The following SCHIP1 variants were observed in gnomAD, a reference collection of about 807,000 sequenced individuals.
The protein encoded by SCHIP1 is schwannomin interacting protein 1, also known as schwannomin-interacting protein 1.
In SCHIP1, 8 loss-of-function variants were observed where a neutral mutation model predicts 29.7. The observed-to-expected ratio is 0.27, with a 90% CI of 0.16 to 0.49. The LOEUF is 0.49. Among genes scored for constraint, SCHIP1 ranks in the 20% least tolerant of loss-of-function variants. The pLI, the probability that SCHIP1 is intolerant of heterozygous loss-of-function variation, is 0.99. For synonymous variants in SCHIP1, 76 were observed against 94.9 expected (o/e 0.80, Z 1.16); for missense variants, 193 against 294.6 (o/e 0.66, Z 2.52).
At chr3:159,641,635 G>A in the SCHIP1 span, among the ~76,000 whole-genome samples, 1 of 152,106 alleles carries the variant, frequency 6.6e-6, no homozygotes, top group African/African-American at 2.4e-5. Context: ...TACAAGCATA[G>A]ATTAAAGAAC....
the SCHIP1 span, among the ~76,000 whole-genome samples, chr3:159,326,637 A>ATT: frequency 6.6e-6 from 1 of 152,040 alleles, no homozygotes; most frequent in Non-Finnish European, 1.5e-5. Flanking sequence ...ATATTTTACT[A>ATT]TTTTCCTATG....
At chr3:159,457,500 A>T in the SCHIP1 span, among the ~76,000 whole-genome samples, 1 of 151,906 alleles carries the variant, frequency 6.6e-6, no homozygotes, top group Non-Finnish European at 1.5e-5. Context: ...GTTGGATTGG[A>T]GGAGCAAGAG....
the SCHIP1 span, among the ~76,000 whole-genome samples, chr3:159,481,376 T>C: frequency 6.6e-6 from 1 of 152,132 alleles, no homozygotes; most frequent in Non-Finnish European, 1.5e-5. Context: ...ATCACTAAGA[T>C]AGAGTGAATT....
At chr3:159,676,272 C>A in the SCHIP1 span, among the ~76,000 whole-genome samples, 8 of 152,160 alleles carry the variant, frequency 5.3e-5, no homozygotes, top group African/African-American at 1.9e-4. Flanking sequence ...CCTTTATCTA[C>A]ATCAAAGTTC....
chr3:159,625,674 T>G, the SCHIP1 span, among the ~76,000 whole-genome samples: 3 of 152,220 alleles, frequency 2.0e-5, no homozygotes, highest in African/African-American at 7.2e-5. Context: ...CTCTTTTTTG[T>G]TTCCAGAAAG....
the SCHIP1 span, among the ~76,000 whole-genome samples, chr3:159,822,440 G>A: frequency 6.6e-6 from 1 of 151,932 alleles, no homozygotes; most frequent in Admixed American, 6.6e-5. Context: ...ATGCAAGATT[G>A]TTGGAGAAGG....
chr3:159,501,927 T>C, the SCHIP1 span, among the ~76,000 whole-genome samples: 1 of 152,242 alleles, frequency 6.6e-6, no homozygotes, highest in Non-Finnish European at 1.5e-5. Context: ...TTCATAGTCA[T>C]ACAGCAACTT....
chr3:159,550,748 G>A, the SCHIP1 span, among the ~76,000 whole-genome samples: 1 of 151,944 alleles, frequency 6.6e-6, no homozygotes, highest in African/African-American at 2.4e-5. Flanking sequence ...TGTATTTAGG[G>A]TGAACTATAA....
chr3:159,656,087 AT>A, the SCHIP1 span, among the ~76,000 whole-genome samples: 2 of 152,156 alleles, frequency 1.3e-5, no homozygotes, highest in Non-Finnish European at 2.9e-5. Flanking sequence ...CAGATGTTTC[AT>A]TGTGTGGCAT....
At chr3:159,397,553 G>A in the SCHIP1 span, among the ~76,000 whole-genome samples, 4 of 152,120 alleles carry the variant, frequency 2.6e-5, no homozygotes, top group Non-Finnish European at 5.9e-5. Flanking sequence ...AGGACCCTCA[G>A]CTGCAGGTCT....
At chr3:159,615,159 A>G in the SCHIP1 span, among the ~76,000 whole-genome samples, 1 of 152,202 alleles carries the variant, frequency 6.6e-6, no homozygotes, top group Admixed American at 6.5e-5. Context: ...GAAGGTACAG[A>G]GGGACAAATA....
the SCHIP1 span, among the ~76,000 whole-genome samples, chr3:159,728,340 A>G: frequency 2.6e-5 from 4 of 152,306 alleles, no homozygotes; most frequent in Non-Finnish European, 4.4e-5. Flanking sequence ...TCCAAAAGGC[A>G]GAAATTCTCT....
the SCHIP1 span, among the ~76,000 whole-genome samples, chr3:159,372,804 CTT>C: frequency 0.024 from 3,663 of 152,022 alleles, 142 homozygotes; most frequent in African/African-American, 0.083. Context: ...ATAAATAAAA[CTT>C]TCTTCAAACA....
the SCHIP1 span, among the ~76,000 whole-genome samples, chr3:159,690,207 C>G: frequency 1.3e-5 from 2 of 152,232 alleles, no homozygotes; most frequent in Admixed American, 1.3e-4. Flanking sequence ...TAGAATTCGG[C>G]TGTGAATCTG....
the SCHIP1 span, among the ~76,000 whole-genome samples, chr3:159,671,514 G>A: frequency 2.0e-4 from 31 of 152,094 alleles, no homozygotes; most frequent in Non-Finnish European, 3.5e-4. Context: ...ACCCAAGAGT[G>A]CACTCAATAA....
the SCHIP1 span, among the ~76,000 whole-genome samples, chr3:159,715,091 T>C: frequency 6.6e-6 from 1 of 152,224 alleles, no homozygotes; most frequent in Non-Finnish European, 1.5e-5. Context: ...TCTGCAATAG[T>C]TGTGGCTCTG....
At chr3:159,361,912 G>A in the SCHIP1 span, among the ~76,000 whole-genome samples, 5 of 152,190 alleles carry the variant, frequency 3.3e-5, no homozygotes, top group Non-Finnish European at 5.9e-5. Flanking sequence ...TTTGAGGGAA[G>A]AAGATCAGGA....
the SCHIP1 span, among the ~76,000 whole-genome samples, chr3:159,545,040 G>C: frequency 6.6e-6 from 1 of 152,102 alleles, no homozygotes; most frequent in Non-Finnish European, 1.5e-5. Flanking sequence ...ATGATCAAGA[G>C]CCATGTTTCC....
At chr3:159,838,377 C>T (rs1357020091), upstream of SCHIP1, among the ~76,000 whole-genome samples, 1 of 152,152 alleles carries the variant, frequency 6.6e-6, no homozygotes, top group Non-Finnish European at 1.5e-5. Flanking sequence ...TTCCATTTCT[C>T]ATGCAAAAAG....
Sources: allele counts gnomAD v4.1 joint callset (sites outside exome capture counted in the v4.1 genomes callset), GRCh38; gene constraint gnomAD v4.1.1; transcripts MANE v1.5; gene names NCBI Gene and HGNC (gene_info 2026-07-23, HGNC 2026-07-21).